The following TENM2 variants were observed in gnomAD, a reference collection of about 807,000 sequenced individuals.
The protein encoded by TENM2 is teneurin-2.
Under a neutral mutation model 245.2 loss-of-function variants are expected in TENM2, and 52 were observed. That is an observed-to-expected ratio of 0.21 (90% CI 0.17 to 0.27). TENM2 has a LOEUF of 0.27. TENM2 is among the 10% of genes least tolerant of loss of function. TENM2 has a pLI of 1.00. For missense variants in TENM2, 3,046 were observed against 3,666.8 expected, an observed-to-expected ratio of 0.83 and a Z score of 4.37; for synonymous variants, 1,363 against 1,438.9, an observed-to-expected ratio of 0.95 and a Z score of 1.19.
At chr5:168,219,078 T>C in intron 23 of TENM2, 79 bp downstream of exon 25, 1 of 1,396,402 alleles carries the variant, frequency 7.2e-7, no homozygotes. Context: ...CTTGTGTAGC[T>C]TTTTAAATTG....
intron 2 of TENM2, among the ~76,000 whole-genome samples, chr5:167,415,540 T>C (rs1247100420): frequency 1.3e-5 from 2 of 152,184 alleles, no homozygotes; most frequent in African/African-American, 2.4e-5. Flanking sequence ...ACTTTGCAGT[T>C]AATCATAGAA....
chr5:167,076,145 G>T, the TENM2 span, among the ~76,000 whole-genome samples: 1 of 152,060 alleles, frequency 6.6e-6, no homozygotes, highest in Non-Finnish European at 1.5e-5. Flanking sequence ...TCAACCTTTT[G>T]CTTAATGAAG....
chr5:167,035,171 A>T, the TENM2 span, among the ~76,000 whole-genome samples: 1 of 152,300 alleles, frequency 6.6e-6, no homozygotes, highest in East Asian at 1.9e-4. Context: ...TATGCATAGT[A>T]GTTCTTTAAT....
chr5:167,382,268 A>G (rs1761133965), intron 2 of TENM2, among the ~76,000 whole-genome samples: 1 of 152,186 alleles, frequency 6.6e-6, no homozygotes, highest in East Asian at 1.9e-4. Flanking sequence ...TTCAGTTTTG[A>G]TCCAGCAAAT....
chr5:167,228,707 AT>A, the TENM2 span, among the ~76,000 whole-genome samples: 1 of 148,748 alleles, frequency 6.7e-6, no homozygotes, highest in Admixed American at 6.7e-5. Flanking sequence ...ACTTCTTCCA[AT>A]TTTTTTTTAT....
At chr5:167,311,227 C>T (rs192725558) in intron 1 of TENM2, among the ~76,000 whole-genome samples, 53 of 152,182 alleles carry the variant, frequency 3.5e-4, no homozygotes, top group African/African-American at 1.1e-3. Flanking sequence ...AATTACTTTG[C>T]GCTGTACTCC....
intron 2 of TENM2, among the ~76,000 whole-genome samples, chr5:167,545,740 C>T (rs1203092083): frequency 6.6e-6 from 1 of 152,176 alleles, no homozygotes; most frequent in East Asian, 1.9e-4. Context: ...ATACTCTGCT[C>T]TAAGACTGCA....
At chr5:168,157,022 G>A (rs1468077363) in intron 12 of TENM2, among the ~76,000 whole-genome samples, 4 of 152,146 alleles carry the variant, frequency 2.6e-5, no homozygotes, top group Non-Finnish European at 5.9e-5. Flanking sequence ...ATGTCTTAAG[G>A]AAGAGCTGCT....
At position 167,470,222 on chromosome 5, in the gene TENM2, A is replaced by T. The variant is rs531878317; in HGVS notation, c.502+94749A>T. Among the ~76,000 whole-genome samples the T allele has an allele frequency of 9.9e-5, 15 of 152,246 alleles. No individual in the cohort carries two copies. The South Asian group carries it at 3.1e-3, about 32-fold the overall frequency. On this transcript the variant is annotated intron_variant, in intron 2 of 28. Coordinates refer to ENST00000518659, the Ensembl canonical transcript of TENM2. ...GTAATAGAAGGTTTTGCAGCAATAG[A>T]TGATGACCCAGACATAAATCACATT...
At chr5:167,172,275 T>C in the TENM2 span, among the ~76,000 whole-genome samples, 1 of 152,208 alleles carries the variant, frequency 6.6e-6, no homozygotes, top group East Asian at 1.9e-4. Context: ...TCTGAGGACA[T>C]CTGAGAAAAT....
chr5:167,196,512 G>A, the TENM2 span, among the ~76,000 whole-genome samples: 556 of 144,158 alleles, frequency 3.9e-3, 8 homozygotes, highest in African/African-American at 0.014. Flanking sequence ...ATATATATGT[G>A]TGTGTATATA....
chr5:168,262,421 G>A (rs1314352171), exon 29 of TENM2: 13 of 1,581,686 alleles, frequency 8.2e-6, no homozygotes, highest in Middle Eastern at 1.7e-4. Context: ...GCTAGAGAGC[G>A]GGGTGAACGT....
At chr5:167,671,716 ATAAAATCTTTAGC>A (rs1353256693) in intron 2 of TENM2, among the ~76,000 whole-genome samples, 4 of 150,988 alleles carry the variant, frequency 2.6e-5, no homozygotes, top group Non-Finnish European at 4.4e-5. Context: ...TTCTACGTAA[ATAAAATCTTTAGC>A]TACAGATATA....
chr5:167,210,243 A>C, the TENM2 span, among the ~76,000 whole-genome samples: 1 of 152,214 alleles, frequency 6.6e-6, no homozygotes, highest in Non-Finnish European at 1.5e-5. Context: ...GAACAGAAAC[A>C]GTCCACACCA....
At chr5:167,384,629 T>C (rs1394561867) in intron 2 of TENM2, among the ~76,000 whole-genome samples, 1 of 152,184 alleles carries the variant, frequency 6.6e-6, no homozygotes, top group Non-Finnish European at 1.5e-5. Flanking sequence ...ATTGAAAGTT[T>C]ATGTGAGCAA....
intron 2 of TENM2, among the ~76,000 whole-genome samples, chr5:167,558,053 A>C (rs1478856189): frequency 6.6e-6 from 1 of 152,228 alleles, no homozygotes; most frequent in Non-Finnish European, 1.5e-5. Flanking sequence ...ATCTTCTAAA[A>C]GCCGTGAAAC....
chr5:168,258,460 C>T lies in TENM2; in HGVS notation c.7433-1823C>T, dbSNP rs143718023. 9.3e-3 allele frequency among the ~76,000 whole-genome samples: 1,408 copies of T among 152,186 alleles called. 23 individuals are homozygous for T. The highest frequency in any genetic ancestry group is 0.032 in the African/African-American group (1,345 of 41,522). On this transcript the variant is annotated intron_variant, in intron 27 of 28. Transcript: ENST00000518659. ...AGGTTGCAGTGAGCCGAAATCGCGC[C>T]ACTGCACTCCAGCCTGGGTGACAGA...
the TENM2 span, among the ~76,000 whole-genome samples, chr5:167,052,384 C>A: frequency 1.3e-5 from 2 of 152,000 alleles, 1 homozygote; most frequent in African/African-American, 4.8e-5. Flanking sequence ...TTCCCAACAC[C>A]GTAATTTAAT....
At chr5:167,424,751 ATCT>A (rs1289479564) in intron 2 of TENM2, among the ~76,000 whole-genome samples, 1 of 152,124 alleles carries the variant, frequency 6.6e-6, no homozygotes, top group Non-Finnish European at 1.5e-5. Context: ...GAAAAAAAAA[ATCT>A]TCTGTTCAGC....
Sources: gnomAD v4.1 joint callset for allele counts (sites outside exome capture counted in the v4.1 genomes callset) on GRCh38, gnomAD v4.1.1 for gene constraint, MANE v1.5 for transcripts, NCBI Gene and HGNC (gene_info 2026-07-23, HGNC 2026-07-21) for gene names.